DGKH: variants seen among roughly 807,000 people sequenced by gnomAD.
DGKH encodes the protein diacylglycerol kinase eta, also known as DAG kinase eta.
A neutral mutation model predicts 159.3 loss-of-function variants in DGKH; 90 were observed. The observed-to-expected ratio is 0.57, with a 90% CI of 0.48 to 0.67. DGKH has a LOEUF of 0.67. DGKH is among the 30% of genes least tolerant of loss of function. The pLI, the probability that DGKH is intolerant of heterozygous loss-of-function variation, is 0.00. For synonymous variants in DGKH, 536 were observed against 553.8 expected (o/e 0.97, Z 0.45); for missense variants, 1,181 against 1,506.1 (o/e 0.78, Z 3.57).
chr13:42,153,299 C>T (rs541014998), intron 3 of DGKH, among the ~76,000 whole-genome samples: 1 of 152,190 alleles, frequency 6.6e-6, no homozygotes, highest in East Asian at 1.9e-4. Flanking sequence ...TTCTTGAATT[C>T]ACAATGACTT....
At chr13:42,174,184 G>A (rs755945305) in intron 12 of DGKH, 40 bp downstream of exon 12, 3 of 1,453,504 alleles carry the variant, frequency 2.1e-6, no homozygotes, top group South Asian at 1.2e-5. Context: ...AAATGGGGGT[G>A]GATATCTTGA....
At chr13:42,093,798 C>T (rs1234232047) in intron 1 of DGKH, among the ~76,000 whole-genome samples, 3 of 152,128 alleles carry the variant, frequency 2.0e-5, no homozygotes, top group Admixed American at 6.5e-5. Context: ...TATGAGGTAC[C>T]TCGAGTAGTC....
intron 24 of DGKH, 106 bp from the exon 25 acceptor site, chr13:42,214,401 T>A: frequency 9.8e-7 from 1 of 1,024,594 alleles, no homozygotes; most frequent in East Asian, 2.7e-5. Flanking sequence ...TCCATACTGA[T>A]CTTCATATAT....
chr13:42,153,238 A>G (rs1327857560), intron 3 of DGKH, among the ~76,000 whole-genome samples: 1 of 152,196 alleles, frequency 6.6e-6, no homozygotes, highest in Non-Finnish European at 1.5e-5. Flanking sequence ...TGTAATTCCA[A>G]ATACACAAAG....
chr13:42,252,085 G>A (rs1958624452), intron 29 of DGKH, among the ~76,000 whole-genome samples: 1 of 151,540 alleles, frequency 6.6e-6, no homozygotes. Context: ...GTCTAGTTTG[G>A]GAGCCAAGGT....
At chr13:42,072,431 T>C (rs570452121) in intron 1 of DGKH, among the ~76,000 whole-genome samples, 1 of 152,310 alleles carries the variant, frequency 6.6e-6, no homozygotes, top group East Asian at 1.9e-4. Flanking sequence ...CTGGAACATA[T>C]TGGTTCTTAA....
intron 25 of DGKH, 133 bp from the exon 26 acceptor site, chr13:42,215,442 G>A: frequency 3.4e-6 from 2 of 593,180 alleles, no homozygotes; most frequent in South Asian, 3.0e-5. Flanking sequence ...ATGAAACTTT[G>A]CGATTATAGA....
chr13:42,181,276 CAAAAA>C (rs34220072), intron 13 of DGKH, among the ~76,000 whole-genome samples: 2 of 81,238 alleles, frequency 2.5e-5, no homozygotes, highest in Admixed American at 1.8e-4. Flanking sequence ...GACTCTGTCT[CAAAAA>C]AAAAAAAAAA....
chr13:42,082,223 A>T (rs556605605), intron 1 of DGKH, among the ~76,000 whole-genome samples: 111 of 151,786 alleles, frequency 7.3e-4, no homozygotes, highest in African/African-American at 2.5e-3. Context: ...GACACCCCAC[A>T]CTTGTCTACC....
At chr13:42,043,002 G>C (rs1219062514) in intron 1 of DGKH, among the ~76,000 whole-genome samples, 1 of 152,174 alleles carries the variant, frequency 6.6e-6, no homozygotes. Context: ...TTTGGAGCAA[G>C]GGGAAAAGGG....
At chr13:42,113,761 C>T (rs180710477) in intron 1 of DGKH, among the ~76,000 whole-genome samples, 16 of 152,148 alleles carry the variant, frequency 1.1e-4, no homozygotes, top group South Asian at 6.2e-4. Flanking sequence ...ATATGAGTTC[C>T]GGCATGGCTA....
At chr13:42,112,637 A>T (rs988027534) in intron 1 of DGKH, among the ~76,000 whole-genome samples, 10 of 152,216 alleles carry the variant, frequency 6.6e-5, no homozygotes, top group Non-Finnish European at 2.9e-5. Context: ...GCAGTTTATA[A>T]AAAGGGAAAT....
At chr13:42,206,787 C>T (rs2138182781) in intron 21 of DGKH, among the ~76,000 whole-genome samples, 1 of 152,232 alleles carries the variant, frequency 6.6e-6, no homozygotes, top group East Asian at 1.9e-4. Context: ...ACTGTGATTA[C>T]ATTGGGCCCA....
At chr13:42,173,951 G>T (rs1001690470) in intron 11 of DGKH, 109 bp from the exon 12 acceptor site, 22 of 643,902 alleles carry the variant, frequency 3.4e-5, no homozygotes, top group Non-Finnish European at 5.4e-5. Context: ...ATGTGTGTGT[G>T]TGTGTGTGCG....
rs1958290536 is a variant in DGKH, at chr13:42,231,401, G to T, written c.*2213G>T. ...CATGAATTATGCAATTATTCTAATT[G>T]TATCTGCACTTACGAAGTCAGAGGT... On this transcript the variant is annotated 3_prime_UTR_variant, in exon 30 of 30. Transcript: ENST00000337343. 1 of 152,092 alleles carries T rather than the reference G, an allele frequency of 6.6e-6. No homozygotes were observed. The highest frequency in any genetic ancestry group is 2.4e-5 in the African/African-American group (1 of 41,408). 9.4% of individuals were successfully genotyped at this position (152,092 alleles called of 1,614,324 possible).
At chr13:42,139,397 A>G (rs141095986) in intron 3 of DGKH, among the ~76,000 whole-genome samples, 221 of 152,294 alleles carry the variant, frequency 1.5e-3, no homozygotes, top group Non-Finnish European at 2.6e-3. Flanking sequence ...AGTTTCATCA[A>G]AGGGTCCGAG....
At chr13:42,111,631 A>G (rs1594042769) in intron 1 of DGKH, among the ~76,000 whole-genome samples, 1 of 152,214 alleles carries the variant, frequency 6.6e-6, no homozygotes, top group East Asian at 1.9e-4. Context: ...TGCATAATTT[A>G]TATTTAAATG....
At chr13:42,219,188 T>C (rs1167608364) in intron 26 of DGKH, 42 bp from the exon 27 acceptor site, 1 of 1,610,076 alleles carries the variant, frequency 6.2e-7, no homozygotes, top group Admixed American at 1.7e-5. Context: ...GGCTGGCCAC[T>C]GAGTCTTGTT....
intron 1 of DGKH, among the ~76,000 whole-genome samples, chr13:42,040,746 G>A (rs1313468450): frequency 1.3e-5 from 2 of 149,472 alleles, no homozygotes; most frequent in East Asian, 3.9e-4. Flanking sequence ...CTGGCCCCGG[G>A]CGGGGAGCCG....
Sources: gnomAD v4.1 joint callset for allele counts (sites outside exome capture counted in the v4.1 genomes callset) on GRCh38, gnomAD v4.1.1 for gene constraint, MANE v1.5 for transcripts, NCBI Gene and HGNC (gene_info 2026-07-23, HGNC 2026-07-21) for gene names.